Variants in ZNF605 observed in about 807,000 individuals in gnomAD.
ZNF605 encodes the protein zinc finger protein 605.
A neutral mutation model predicts 7.9 loss-of-function variants in ZNF605; 9 were observed. The observed-to-expected ratio is 1.14, with a 90% CI of 0.68 to 1.98. The LOEUF (loss-of-function observed/expected upper bound fraction) is 1.98. ZNF605 is among the 30% of genes most tolerant of loss of function. The pLI is 0.00. For synonymous variants in ZNF605, 255 were observed against 260.1 expected, an observed-to-expected ratio of 0.98 and a Z score of 0.19; for missense variants, 673 against 762.4, an observed-to-expected ratio of 0.88 and a Z score of 1.38.
At chr12:132,927,257 T>G in intron 4 of ZNF605, 95 bp from the exon 5 acceptor site, 1 of 901,028 alleles carries the variant, frequency 1.1e-6, no homozygotes, top group Non-Finnish European at 1.6e-6. Context: ...ATCCCAGTTT[T>G]TAAAATTCCC....
chr12:132,954,802 A>G (rs1290229669), intron 1 of ZNF605, among the ~76,000 whole-genome samples: 2 of 152,070 alleles, frequency 1.3e-5, no homozygotes, highest in African/African-American at 4.8e-5. Flanking sequence ...GGCCCCTCCA[A>G]TGACGCCAAG....
At chr12:132,950,814 CAT>C (rs1300715339) in intron 1 of ZNF605, among the ~76,000 whole-genome samples, 9 of 151,864 alleles carry the variant, frequency 5.9e-5, no homozygotes, top group South Asian at 2.1e-4. Context: ...TACACAGAGA[CAT>C]GTACACACAC....
In ZNF605 at chr12:132,926,504, C is replaced by CA; in HGVS notation, c.794_795insT (p.Lys265AsnfsTer5). On this transcript the variant is annotated frameshift_variant, in exon 5 of 5. Transcript: ENST00000360187. LOFTEE classifies it low-confidence loss of function (END_TRUNC). ...TTATCTGATGTCTTTTAAGCTGCGA[C>CA]TTCCTACTGAAGGCTTTTCCACATT... 1 of 1,614,186 alleles carries CA rather than the reference C, an allele frequency of 6.2e-7. No individual in the cohort carries two copies. Among genetic ancestry groups the CA allele is most frequent in the South Asian group, 1.1e-5 (1 of 91,082 alleles).
At chr12:132,952,312 T>A (rs1298865218) in intron 1 of ZNF605, among the ~76,000 whole-genome samples, 1 of 151,590 alleles carries the variant, frequency 6.6e-6, no homozygotes, top group Non-Finnish European at 1.5e-5. Context: ...ATACAAAAAA[T>A]TAGCCGGGCA....
chr12:132,942,910 G>C (rs971383061), intron 3 of ZNF605, among the ~76,000 whole-genome samples: 4 of 152,276 alleles, frequency 2.6e-5, no homozygotes, highest in Non-Finnish European at 5.9e-5. Flanking sequence ...TTGGAGTGGC[G>C]TCATAGCCAT....
intron 1 of ZNF605, among the ~76,000 whole-genome samples, chr12:132,955,052 T>C (rs1952621340): frequency 1.3e-5 from 2 of 151,770 alleles, no homozygotes; most frequent in Non-Finnish European, 2.9e-5. Context: ...AAATAAAACA[T>C]ACAACTGGAC....
intron 3 of ZNF605, among the ~76,000 whole-genome samples, chr12:132,940,073 T>A (rs1280801503): frequency 6.6e-6 from 1 of 152,176 alleles, no homozygotes; most frequent in African/African-American, 2.4e-5. Context: ...GCGGCTTCAT[T>A]CTTGAAGTCA....
chr12:132,950,799 C>G (rs1952552166), intron 1 of ZNF605, among the ~76,000 whole-genome samples: 1 of 151,008 alleles, frequency 6.6e-6, no homozygotes, highest in Admixed American at 6.6e-5. Context: ...CACACTGATA[C>G]ATCATACACA....
At chr12:132,949,249 C>A (rs1952532243) in intron 1 of ZNF605, among the ~76,000 whole-genome samples, 1 of 152,208 alleles carries the variant, frequency 6.6e-6, no homozygotes, top group Non-Finnish European at 1.5e-5. Flanking sequence ...CCCACTCCCA[C>A]TAGCTACTCT....
chr12:132,935,984 C>T (rs1952361418), intron 3 of ZNF605, among the ~76,000 whole-genome samples: 1 of 150,848 alleles, frequency 6.6e-6, no homozygotes, highest in South Asian at 2.1e-4. Flanking sequence ...TGGCGTGAAC[C>T]CAGGAGGTGG....
At chr12:132,956,102 C>G (rs1952635037) in intron 1 of ZNF605, 141 bp downstream of exon 1, 1 of 151,780 alleles carries the variant, frequency 6.6e-6, no homozygotes, top group Non-Finnish European at 1.5e-5. Flanking sequence ...CCTTTCTCGC[C>G]CCAGCCGGCA....
chr12:132,925,505 G>A lies in ZNF605; in HGVS notation c.1794C>T (p.Phe598=), dbSNP rs751808016. Residue 598 remains phenylalanine, a synonymous_variant, in exon 5 of 5, where the codon TTC becomes TTT. Transcript: ENST00000360187. ...PYKCGECGKS[F]TRKSHLMRHQ... is the part of the protein sequence containing the mutation. ...GCCTCATAAGGTGTGACTTTCTTGT[G>A]AAAGATTTCCCACATTCACCACATT... The A allele has an allele frequency of 1.2e-6, 2 of 1,614,138 alleles. No individual in the cohort carries two copies. Among genetic ancestry groups the A allele is most frequent in the East Asian group, 4.5e-5 (2 of 44,880 alleles).
intron 3 of ZNF605, among the ~76,000 whole-genome samples, chr12:132,935,477 A>G (rs1483945562): frequency 6.6e-6 from 1 of 152,190 alleles, no homozygotes; most frequent in Non-Finnish European, 1.5e-5. Flanking sequence ...GGGGCCATGC[A>G]TTCAGGCATC....
Position 132,924,030 on chromosome 12 carries a change from A to G in ZNF605, c.*1343T>C, listed in dbSNP as rs1379791889. ...TAGAAGTTCCATTTTGGCCAGTAAAAATATCTCTTATACCTCAGGTTTCAT... is the reference window on the plus strand; with the variant it reads ...TAGAAGTTCCATTTTGGCCAGTAAAGATATCTCTTATACCTCAGGTTTCAT... On this transcript the variant is annotated 3_prime_UTR_variant, in exon 5 of 5. Coordinates refer to ENST00000360187, the MANE Select transcript of ZNF605 (RefSeq NM_183238.4). The G allele has an allele frequency of 6.6e-6, 1 of 152,168 alleles. No individual in the cohort carries two copies. The highest frequency in any genetic ancestry group is 1.5e-5 in the Non-Finnish European group (1 of 68,012). The allele number at this position is 152,168 out of a possible 1,614,324, so 9.4% of individuals were successfully genotyped here. A position where few individuals can be genotyped will look rare whatever the true frequency, so the allele number is the denominator to read the frequency against.
chr12:132,938,561 G>A (rs1952392414), intron 3 of ZNF605, among the ~76,000 whole-genome samples: 1 of 152,130 alleles, frequency 6.6e-6, no homozygotes, highest in South Asian at 2.1e-4. Flanking sequence ...TCAGCCTCCC[G>A]AAGTGCTGGT....
At chr12:132,955,810 A>G (rs1593610684) in intron 1 of ZNF605, among the ~76,000 whole-genome samples, 1 of 151,962 alleles carries the variant, frequency 6.6e-6, no homozygotes, top group East Asian at 2.0e-4. Context: ...CGCTGCAGAC[A>G]AATCCTCCAC....
intron 4 of ZNF605, among the ~76,000 whole-genome samples, chr12:132,931,044 C>A (rs1175453570): frequency 6.6e-6 from 1 of 152,076 alleles, no homozygotes; most frequent in African/African-American, 2.4e-5. Context: ...TAAAAATTAG[C>A]TTGGTGTGGT....
chr12:132,948,397 G>A (rs1364050922), intron 1 of ZNF605, 127 bp from the exon 2 acceptor site: 1 of 152,246 alleles, frequency 6.6e-6, no homozygotes, highest in African/African-American at 2.4e-5. Flanking sequence ...CCTGTGGAGC[G>A]AGGCCACGTG....
intron 3 of ZNF605, among the ~76,000 whole-genome samples, chr12:132,937,516 GACACACAC>G (rs151320663): frequency 6.7e-6 from 1 of 148,432 alleles, no homozygotes; most frequent in African/African-American, 2.5e-5. Flanking sequence ...CACACACACA[GACACACAC>G]ACACACACAC....
Sources: allele counts gnomAD v4.1 joint callset (sites outside exome capture counted in the v4.1 genomes callset), GRCh38; gene constraint gnomAD v4.1.1; transcripts MANE v1.5; gene names NCBI Gene and HGNC (gene_info 2026-07-23, HGNC 2026-07-21).